SGCZ: variants seen among roughly 807,000 people sequenced by gnomAD.
SGCZ encodes the protein sarcoglycan zeta.
A neutral mutation model predicts 41.3 loss-of-function variants in SGCZ; 40 were observed. That is an observed-to-expected ratio of 0.97 (90% CI 0.75 to 1.26). The LOEUF (loss-of-function observed/expected upper bound fraction) is 1.26. Ranked by LOEUF, SGCZ falls within the 50% of genes most tolerant of loss-of-function variation. The pLI, the probability that SGCZ is intolerant of heterozygous loss-of-function variation, is 0.00. For missense variants in SGCZ, 552 were observed against 369.8 expected (o/e 1.49, Z -4.04); for synonymous variants, 206 against 137.5 (o/e 1.50, Z -3.49).
intron 2 of SGCZ, among the ~76,000 whole-genome samples, chr8:14,495,993 C>A (rs1345424623): frequency 1.3e-5 from 2 of 152,054 alleles, no homozygotes; most frequent in Admixed American, 6.6e-5. Context: ...TGGGAATACA[C>A]AAAATATTTA....
At chr8:14,740,985 A>G (rs1358217442) in intron 1 of SGCZ, among the ~76,000 whole-genome samples, 2 of 152,094 alleles carry the variant, frequency 1.3e-5, no homozygotes, top group African/African-American at 4.8e-5. Context: ...ATAATCTGCC[A>G]TTAAAAATAA....
At chr8:14,712,281 C>T (rs1563218958) in intron 1 of SGCZ, among the ~76,000 whole-genome samples, 1 of 152,192 alleles carries the variant, frequency 6.6e-6, no homozygotes, top group South Asian at 2.1e-4. Context: ...CCCTTGCAGG[C>T]TGGCGCTGCC....
intron 1 of SGCZ, among the ~76,000 whole-genome samples, chr8:14,588,531 C>G (rs776499065): frequency 3.3e-5 from 5 of 151,894 alleles, no homozygotes; most frequent in Non-Finnish European, 7.4e-5. Context: ...TTATGTGATT[C>G]AAATATTACA....
At chr8:14,202,170 A>G (rs1805475874) in intron 4 of SGCZ, among the ~76,000 whole-genome samples, 2 of 152,172 alleles carry the variant, frequency 1.3e-5, no homozygotes, top group African/African-American at 4.8e-5. Context: ...GCTAAAGAAG[A>G]GTCAGTGTTA....
At chr8:14,255,825 T>C (rs1013288653) in intron 3 of SGCZ, among the ~76,000 whole-genome samples, 1 of 152,112 alleles carries the variant, frequency 6.6e-6, no homozygotes, top group Admixed American at 6.6e-5. Flanking sequence ...TACTTAATTA[T>C]TGAACAGATT....
chr8:14,820,523 C>A (rs1414406025), intron 1 of SGCZ, among the ~76,000 whole-genome samples: 1 of 151,988 alleles, frequency 6.6e-6, no homozygotes, highest in Non-Finnish European at 1.5e-5. Context: ...GCTTTCCATC[C>A]AACAGCTACA....
intron 3 of SGCZ, among the ~76,000 whole-genome samples, chr8:14,259,894 C>T (rs1325900498): frequency 2.6e-5 from 4 of 151,962 alleles, no homozygotes; most frequent in South Asian, 2.1e-4. Flanking sequence ...CTGTAAATTA[C>T]CTTGGGCAGT....
intron 2 of SGCZ, among the ~76,000 whole-genome samples, chr8:14,516,219 T>C (rs1236659307): frequency 1.3e-5 from 2 of 151,986 alleles, no homozygotes; most frequent in African/African-American, 2.4e-5. Context: ...TAATCAGGTT[T>C]GCTGTACAGA....
rs1393941791 is a variant in SGCZ, at chr8:14,357,613, C to T, written c.235-33409G>A. Among the ~76,000 whole-genome samples, 4 of 152,156 alleles carry T rather than the reference C, an allele frequency of 2.6e-5. No homozygotes were observed. In the East Asian group the frequency reaches 7.7e-4, roughly 29 times the overall value. The stretch of plus-strand genomic sequence containing the variant: ...CCACGTAATAATAACAACTACTTAA[C>T]ATCAACTTTCCCTGGGAAGTATAAA... On this transcript the variant is annotated intron_variant, in intron 2 of 7. Transcript: ENST00000382080.
chr8:14,919,377 G>A (rs552996121), intron 1 of SGCZ, among the ~76,000 whole-genome samples: 3 of 152,102 alleles, frequency 2.0e-5, no homozygotes, highest in Admixed American at 6.5e-5. Context: ...GGAGGCGGAG[G>A]TTACAGTGAG....
intron 3 of SGCZ, among the ~76,000 whole-genome samples, chr8:14,266,826 G>A (rs1229741048): frequency 6.6e-5 from 10 of 151,944 alleles, no homozygotes; most frequent in African/African-American, 1.4e-4. Context: ...ACACAGATCC[G>A]ACATAAACTG....
At chr8:15,237,465 C>A in intron 1 of SGCZ, 120 bp downstream of exon 1, 1 of 1,215,548 alleles carries the variant, frequency 8.2e-7, no homozygotes. Context: ...CCCCCAACGC[C>A]CCCTCGTCGT....
At chr8:15,050,605 G>A (rs571210814) in intron 1 of SGCZ, among the ~76,000 whole-genome samples, 57 of 152,258 alleles carry the variant, frequency 3.7e-4, no homozygotes, top group African/African-American at 1.3e-3. Flanking sequence ...AATAACCTGT[G>A]CAGAGGAGTG....
intron 1 of SGCZ, among the ~76,000 whole-genome samples, chr8:14,582,980 T>G (rs965143193): frequency 5.9e-5 from 9 of 151,898 alleles, no homozygotes; most frequent in African/African-American, 1.5e-4. Flanking sequence ...CGTGTGCATG[T>G]GTCTTTATAG....
At chr8:14,835,541 A>T (rs904651962) in intron 1 of SGCZ, among the ~76,000 whole-genome samples, 12 of 152,176 alleles carry the variant, frequency 7.9e-5, no homozygotes, top group African/African-American at 2.9e-4. Flanking sequence ...TCCAACCTTG[A>T]CACACCGCTT....
At chr8:14,465,272 G>T in intron 2 of SGCZ, among the ~76,000 whole-genome samples, 1 of 151,580 alleles carries the variant, frequency 6.6e-6, no homozygotes, top group Non-Finnish European at 1.5e-5. Context: ...AATGTTTATA[G>T]TTATTAAATA....
chr8:14,562,606 C>T (rs896983196), intron 1 of SGCZ, among the ~76,000 whole-genome samples: 9 of 151,826 alleles, frequency 5.9e-5, no homozygotes, highest in Admixed American at 1.3e-4. Flanking sequence ...GAAGAAGAGA[C>T]ATAAAAGAAG....
chr8:14,844,338 T>C (rs1397389858), intron 1 of SGCZ, among the ~76,000 whole-genome samples: 1 of 152,168 alleles, frequency 6.6e-6, no homozygotes, highest in Non-Finnish European at 1.5e-5. Context: ...AATTATTCTC[T>C]TGTCCCTTCC....
At chr8:14,333,820 T>C (rs1227772639) in intron 2 of SGCZ, among the ~76,000 whole-genome samples, 4 of 152,096 alleles carry the variant, frequency 2.6e-5, no homozygotes, top group Admixed American at 6.5e-5. Flanking sequence ...AGAAAGACCA[T>C]TTAAAATGGA....
Sources: allele counts gnomAD v4.1 joint callset (sites outside exome capture counted in the v4.1 genomes callset), GRCh38; gene constraint gnomAD v4.1.1; transcripts MANE v1.5; gene names NCBI Gene and HGNC (gene_info 2026-07-23, HGNC 2026-07-21).